FAM53B: variants seen among roughly 807,000 people sequenced by gnomAD.
The protein encoded by FAM53B is protein FAM53B.
Under a neutral mutation model 32.7 loss-of-function variants are expected in FAM53B, and 12 were observed. The ratio of observed to expected loss-of-function variants is 0.37; its 90% confidence interval spans 0.24 to 0.59. The LOEUF (loss-of-function observed/expected upper bound fraction) is 0.59, where lower values mean the gene tolerates loss of function less well. Ranked by LOEUF, FAM53B falls within the 20% of genes least tolerant of loss-of-function variation. The probability of loss-of-function intolerance (pLI) is 0.72; values close to 1 mark genes in which losing one functional copy is unlikely to be tolerated. For synonymous variants in FAM53B, 234 were observed against 228.7 expected (o/e 1.02, Z -0.21); for missense variants, 477 against 577.7 (o/e 0.83, Z 1.79).
intron 4 of FAM53B, among the ~76,000 whole-genome samples, chr10:124,656,639 C>G (rs374183701): frequency 3.3e-4 from 50 of 152,276 alleles, no homozygotes; most frequent in Middle Eastern, 6.8e-3. Context: ...ACGACCCTCC[C>G]GAAGGGACAA....
chr10:124,644,850 C>T (rs1053764795), intron 4 of FAM53B, among the ~76,000 whole-genome samples: 3 of 152,162 alleles, frequency 2.0e-5, no homozygotes, highest in Non-Finnish European at 2.9e-5. Context: ...TGGAAGGGGA[C>T]GGCGCATCAG....
At chr10:124,742,183 G>C (rs776314706) in intron 1 of FAM53B, among the ~76,000 whole-genome samples, 1 of 152,210 alleles carries the variant, frequency 6.6e-6, no homozygotes, top group African/African-American at 2.4e-5. Context: ...CAGGTCGCAT[G>C]ATGGGTGACA....
intron 1 of FAM53B, among the ~76,000 whole-genome samples, chr10:124,743,152 TG>T (rs1004494069): frequency 1.7e-3 from 19 of 10,932 alleles, no homozygotes; most frequent in African/African-American, 5.4e-3. Context: ...GGGGACAAGG[TG>T]GGGGGGCGGG....
intron 4 of FAM53B, among the ~76,000 whole-genome samples, chr10:124,656,709 G>A (rs1949591238): frequency 6.6e-6 from 1 of 152,194 alleles, no homozygotes; most frequent in Non-Finnish European, 1.5e-5. Flanking sequence ...GTGTTCTGTG[G>A]TGTTAAAGAG....
At chr10:124,734,878 C>T (rs1187056460) in intron 1 of FAM53B, among the ~76,000 whole-genome samples, 1 of 152,210 alleles carries the variant, frequency 6.6e-6, no homozygotes, top group Non-Finnish European at 1.5e-5. Flanking sequence ...AGGCCTGCAC[C>T]AACAGAAGCC....
chr10:124,679,589 A>G (rs12413865), intron 4 of FAM53B, among the ~76,000 whole-genome samples: 6,574 of 152,348 alleles, frequency 0.043, 208 homozygotes, highest in East Asian at 0.12. Flanking sequence ...CTCAGCGTCC[A>G]CGGGCCCAGC....
intron 4 of FAM53B, among the ~76,000 whole-genome samples, chr10:124,631,489 G>A (rs1320156412): frequency 6.6e-6 from 1 of 152,178 alleles, no homozygotes; most frequent in Non-Finnish European, 1.5e-5. Context: ...CACTCATCCC[G>A]TGGGCTATCA....
intron 1 of FAM53B, among the ~76,000 whole-genome samples, chr10:124,707,581 T>C (rs1949969395): frequency 6.6e-6 from 1 of 152,050 alleles, no homozygotes; most frequent in Non-Finnish European, 1.5e-5. Flanking sequence ...CTACTAAAAA[T>C]ACAAAAAATT....
intron 4 of FAM53B, among the ~76,000 whole-genome samples, chr10:124,670,321 G>A (rs141892975): frequency 0.033 from 4,961 of 152,188 alleles, 140 homozygotes; most frequent in Admixed American, 0.075. Context: ...GGCCGTCTGC[G>A]GTCGAACCCC....
intron 4 of FAM53B, among the ~76,000 whole-genome samples, chr10:124,637,286 A>T (rs1421409824): frequency 1.3e-5 from 2 of 152,190 alleles, no homozygotes; most frequent in African/African-American, 4.8e-5. Flanking sequence ...GAGGCAGCGC[A>T]GGTCCAGGAC....
At chr10:124,741,798 T>C (rs1426748454) in intron 1 of FAM53B, among the ~76,000 whole-genome samples, 2 of 152,164 alleles carry the variant, frequency 1.3e-5, no homozygotes, top group Non-Finnish European at 2.9e-5. Context: ...CCAAAAGAAC[T>C]TTGCGTACTT....
chr10:124,632,415 G>A (rs1949397185), intron 4 of FAM53B, among the ~76,000 whole-genome samples: 1 of 152,252 alleles, frequency 6.6e-6, no homozygotes, highest in Non-Finnish European at 1.5e-5. Flanking sequence ...AAGCACACAG[G>A]GTTCTGGCGG....
intron 4 of FAM53B, among the ~76,000 whole-genome samples, chr10:124,677,911 G>C (rs954306906): frequency 1.3e-5 from 2 of 152,170 alleles, no homozygotes; most frequent in African/African-American, 2.4e-5. Flanking sequence ...CTGACAAGGG[G>C]GGGTGAATCC....
At chr10:124,735,228 C>T (rs1221056677) in intron 1 of FAM53B, among the ~76,000 whole-genome samples, 1 of 152,192 alleles carries the variant, frequency 6.6e-6, no homozygotes, top group African/African-American at 2.4e-5. Flanking sequence ...GGTAGGTATG[C>T]AGCCATTAAT....
chr10:124,736,062 G>A (rs567543735), intron 1 of FAM53B, among the ~76,000 whole-genome samples: 1 of 152,360 alleles, frequency 6.6e-6, no homozygotes, highest in East Asian at 1.9e-4. Flanking sequence ...GGGCTTTGCA[G>A]CAGAACCCCT....
intron 4 of FAM53B, among the ~76,000 whole-genome samples, chr10:124,627,324 C>T (rs1433170745): frequency 6.6e-6 from 1 of 152,246 alleles, no homozygotes; most frequent in African/African-American, 2.4e-5. Context: ...CCCAGAGTCT[C>T]CTAGCAGCTC....
intron 3 of FAM53B, among the ~76,000 whole-genome samples, chr10:124,692,322 C>G (rs890147173): frequency 1.4e-4 from 22 of 152,128 alleles, no homozygotes; most frequent in African/African-American, 5.1e-4. Flanking sequence ...GTATCAAGTT[C>G]CTAAACTGGG....
At chr10:124,671,684 T>A (rs951905044) in intron 4 of FAM53B, among the ~76,000 whole-genome samples, 2 of 152,164 alleles carry the variant, frequency 1.3e-5, no homozygotes, top group Non-Finnish European at 2.9e-5. Context: ...GACACATTAC[T>A]GATGTGAGCT....
chr10:124,719,810 C>T (rs1229686199), intron 1 of FAM53B, among the ~76,000 whole-genome samples: 1 of 152,194 alleles, frequency 6.6e-6, no homozygotes, highest in Non-Finnish European at 1.5e-5. Context: ...AGGGGTTCTT[C>T]CCCAGTGTCA....
Sources: gnomAD v4.1 joint callset for allele counts (sites outside exome capture counted in the v4.1 genomes callset) on GRCh38, gnomAD v4.1.1 for gene constraint, MANE v1.5 for transcripts, NCBI Gene and HGNC (gene_info 2026-07-23, HGNC 2026-07-21) for gene names.